Variants in ATG10 observed in about 807,000 individuals in gnomAD.
ATG10 encodes autophagy related 10.
A neutral mutation model predicts 32.1 loss-of-function variants in ATG10; 30 were observed. The observed-to-expected ratio is 0.94, with a 90% CI of 0.70 to 1.27. The LOEUF (loss-of-function observed/expected upper bound fraction) is 1.27. Ranked by LOEUF, ATG10 falls within the 50% of genes most tolerant of loss-of-function variation. The probability of loss-of-function intolerance (pLI) is 0.00; values close to 1 mark genes in which losing one functional copy is unlikely to be tolerated. For missense variants in ATG10, 233 were observed against 262.3 expected (o/e 0.89, Z 0.77); for synonymous variants, 87 against 91.5 (o/e 0.95, Z 0.28).
intron 4 of ATG10, among the ~76,000 whole-genome samples, chr5:82,165,754 G>A (rs574489595): frequency 6.6e-6 from 1 of 152,282 alleles, no homozygotes; most frequent in African/African-American, 2.4e-5. Context: ...GAAGTTTCTT[G>A]TCAGTGAGCT....
At chr5:82,083,871 G>A (rs1764574057) in intron 3 of ATG10, among the ~76,000 whole-genome samples, 1 of 152,200 alleles carries the variant, frequency 6.6e-6, no homozygotes, top group Admixed American at 6.5e-5. Context: ...CAAAGATGCA[G>A]AGAAACAAGA....
At chr5:82,002,083 A>G (rs75428967) in intron 2 of ATG10, among the ~76,000 whole-genome samples, 28 of 152,226 alleles carry the variant, frequency 1.8e-4, no homozygotes, top group African/African-American at 6.3e-4. Flanking sequence ...CAAAACCACA[A>G]TGAGATACCA....
chr5:82,052,552 T>C lies in ATG10; in HGVS notation c.109-5943T>C, dbSNP rs1365213425. On this transcript the variant is annotated intron_variant, in intron 2 of 7. Coordinates refer to ENST00000282185, the MANE Select transcript of ATG10 (RefSeq NM_031482.5). ...AATTAATTATTTGTTTAAAATGAAG[T>C]GCCATGTATTTATAGGCACAAAAGA... Among the ~76,000 whole-genome samples, 3 of 152,178 alleles carry C rather than the reference T, an allele frequency of 2.0e-5. 1 individual carries two copies. The highest frequency in any genetic ancestry group is 4.1e-4 in the South Asian group (2 of 4,830).
chr5:82,068,888 A>T (rs562930864), intron 3 of ATG10, among the ~76,000 whole-genome samples: 1 of 150,938 alleles, frequency 6.6e-6, no homozygotes, highest in East Asian at 1.9e-4. Flanking sequence ...AATGAAAGTG[A>T]AACCACTACT....
intron 5 of ATG10, among the ~76,000 whole-genome samples, chr5:82,197,487 C>CCTACCTACCTACCTGCCTAT (rs1744903117): frequency 3.9e-5 from 6 of 151,956 alleles, no homozygotes; most frequent in Non-Finnish European, 7.4e-5. Context: ...TACCTACCTA[C>CCTACCTACCTACCTGCCTAT]CTACCTACCT....
intron 1 of ATG10, 197 bp downstream of exon 1, chr5:81,972,503 G>GC (rs967625852): frequency 3.9e-4 from 60 of 152,410 alleles, no homozygotes; most frequent in African/African-American, 1.3e-3. Flanking sequence ...GCGGGGAAGG[G>GC]CGAGGACACT....
intron 3 of ATG10, among the ~76,000 whole-genome samples, chr5:82,118,919 G>A (rs763598815): frequency 6.6e-6 from 1 of 152,162 alleles, no homozygotes; most frequent in Non-Finnish European, 1.5e-5. Context: ...AGAGAAAAGA[G>A]GAGAGAGTTC....
chr5:82,124,877 CA>C (rs1766196546), intron 3 of ATG10, among the ~76,000 whole-genome samples: 1 of 152,148 alleles, frequency 6.6e-6, no homozygotes, highest in East Asian at 1.9e-4. Context: ...CTGTCTTCCA[CA>C]ATGCTTTAAT....
chr5:82,210,625 T>C (rs1338419863), intron 5 of ATG10, among the ~76,000 whole-genome samples: 2 of 152,180 alleles, frequency 1.3e-5, no homozygotes, highest in African/African-American at 4.8e-5. Flanking sequence ...AAACAGATTT[T>C]TTTTTCCCCA....
At chr5:82,228,764 T>C (rs1217464921) in intron 5 of ATG10, among the ~76,000 whole-genome samples, 2 of 152,184 alleles carry the variant, frequency 1.3e-5, no homozygotes, top group Non-Finnish European at 2.9e-5. Context: ...CTGGGGTATA[T>C]AGATAGATGT....
intron 2 of ATG10, among the ~76,000 whole-genome samples, chr5:82,058,176 A>T (rs957095453): frequency 1.3e-5 from 2 of 152,182 alleles, no homozygotes; most frequent in African/African-American, 4.8e-5. Flanking sequence ...AATATTAATT[A>T]TGTGACAAGC....
chr5:82,038,886 C>T lies in ATG10; in HGVS notation c.109-19609C>T, dbSNP rs367734229. 6.6e-5 allele frequency among the ~76,000 whole-genome samples: 10 copies of T among 152,254 alleles called. No individual in the cohort carries two copies. In the East Asian group the frequency reaches 1.4e-3, roughly 21 times the overall value. ...TAATTTAGACTGAATCTTGCTCTGTCGCCCAGGCTGGAGTGCTGTGGCATG... is the reference window on the plus strand; with the variant it reads ...TAATTTAGACTGAATCTTGCTCTGTTGCCCAGGCTGGAGTGCTGTGGCATG... On this transcript the variant is annotated intron_variant, in intron 2 of 7. Transcript: ENST00000282185.
intron 2 of ATG10, among the ~76,000 whole-genome samples, chr5:82,049,858 T>G (rs1379614913): frequency 6.6e-6 from 1 of 152,192 alleles, no homozygotes; most frequent in Non-Finnish European, 1.5e-5. Flanking sequence ...GAAGTTTTCT[T>G]ACTCCTGATT....
chr5:82,250,785 A>G (rs1298278725), intron 5 of ATG10, among the ~76,000 whole-genome samples: 2 of 152,364 alleles, frequency 1.3e-5, no homozygotes, highest in East Asian at 3.9e-4. Context: ...AGTGGTCTCT[A>G]TAACTATAGC....
chr5:82,149,332 A>G (rs1767492324), intron 3 of ATG10, among the ~76,000 whole-genome samples: 1 of 150,958 alleles, frequency 6.6e-6, no homozygotes, highest in South Asian at 2.1e-4. Flanking sequence ...CTATTCCCTT[A>G]CTTGTGCTCC....
At chr5:82,187,113 G>GC (rs1252988324) in intron 5 of ATG10, among the ~76,000 whole-genome samples, 1 of 151,482 alleles carries the variant, frequency 6.6e-6, no homozygotes, top group African/African-American at 2.4e-5. Context: ...TTTGAGGCTA[G>GC]CCTAGGTAAC....
At chr5:82,216,268 A>G (rs1745676723) in intron 5 of ATG10, among the ~76,000 whole-genome samples, 1 of 152,218 alleles carries the variant, frequency 6.6e-6, no homozygotes, top group Admixed American at 6.5e-5. Flanking sequence ...AAGAGATTCA[A>G]CTTAGTGAAT....
intron 5 of ATG10, among the ~76,000 whole-genome samples, chr5:82,217,012 G>A (rs1745708818): frequency 2.0e-5 from 3 of 151,122 alleles, no homozygotes; most frequent in Admixed American, 6.6e-5. Flanking sequence ...CCGAGATTGC[G>A]CTACTGCACT....
At chr5:82,235,181 T>C (rs577505914) in intron 5 of ATG10, among the ~76,000 whole-genome samples, 1 of 152,288 alleles carries the variant, frequency 6.6e-6, no homozygotes, top group East Asian at 1.9e-4. Context: ...CTCTCTTCTT[T>C]CCTTTCCTCT....
Sources: allele counts gnomAD v4.1 joint callset (sites outside exome capture counted in the v4.1 genomes callset), GRCh38; gene constraint gnomAD v4.1.1; transcripts MANE v1.5; gene names NCBI Gene and HGNC (gene_info 2026-07-23, HGNC 2026-07-21).